Variants in NUMA1 observed in about 807,000 individuals in gnomAD.
NUMA1 encodes the protein nuclear mitotic apparatus protein 1, also known as SP-H antigen.
NUMA1 carries 62 observed loss-of-function variants against 237.1 expected under a neutral mutation model. The ratio of observed to expected loss-of-function variants is 0.26; its 90% confidence interval spans 0.21 to 0.32. The LOEUF is 0.32. Among genes scored for constraint, NUMA1 ranks in the 10% least tolerant of loss-of-function variants. The pLI, the probability that NUMA1 is intolerant of heterozygous loss-of-function variation, is 1.00. For synonymous variants in NUMA1, 1,028 were observed against 1,066.1 expected (o/e 0.96, Z 0.70); for missense variants, 2,533 against 2,666.5 (o/e 0.95, Z 1.10).
At chr11:72,020,112 C>G (rs1938552545) in intron 8 of NUMA1, among the ~76,000 whole-genome samples, 1 of 152,220 alleles carries the variant, frequency 6.6e-6, no homozygotes, top group African/African-American at 2.4e-5. Context: ...TTGTAGGACT[C>G]TCCTACCTCT....
Position 72,015,156 on chromosome 11 carries a change from C to T in NUMA1, c.2347G>A (p.Glu783Lys). The T allele has an allele frequency of 6.2e-7, 1 of 1,613,524 alleles. No homozygotes were observed. Among genetic ancestry groups the T allele is most frequent in the Non-Finnish European group, 8.5e-7 (1 of 1,180,042 alleles). ...TCTGCCAGCTCCCGCCGCAGGACTT[C>T]AGTCTCAGCCTGATGGGCCTCCCCA... ...QLGEAHQAET[E>K]VLRRELAEAM... Residue 783 changes from glutamate to lysine, a missense_variant, in exon 15 of 27, where the codon GAA becomes AAA. This residue lies in a region of NUMA1 where 1,414 missense variants were observed against 1,508.1 expected (regional missense o/e 0.94). Transcript: ENST00000393695. This position sits in a 1 kb window ranked among gnomAD's most constrained non-coding sequence, Gnocchi z 4.0.
At chr11:72,067,691 A>G (rs1471346143) in intron 2 of NUMA1, 2 of 152,216 alleles carry the variant, frequency 1.3e-5, no homozygotes, top group African/African-American at 2.4e-5. Context: ...CCCTACCTCA[A>G]ACCTTCTTAG....
chr11:72,078,538 C>T (rs938127175), intron 1 of NUMA1, among the ~76,000 whole-genome samples: 2 of 152,266 alleles, frequency 1.3e-5, no homozygotes, highest in Admixed American at 6.5e-5. Context: ...AGTCTTATTT[C>T]AAGGCATTCT....
In NUMA1 at chr11:72,003,831, G is replaced by A. The variant is rs528983774; in HGVS notation, c.6336+56C>T. On this transcript the variant is annotated intron_variant, in intron 26 of 26. Transcript: ENST00000393695. ...TGGATGCTACTTGGTGGGGCGGTCT[G>A]GGGGGTGCCCATGCTCTCATCGGGT... 12 of 1,561,958 alleles carry A rather than the reference G, an allele frequency of 7.7e-6. No homozygotes were observed. In the South Asian group the frequency reaches 1.2e-4, roughly 16 times the overall value.
rs755244554 is a variant in NUMA1 at position 72,009,344 on chromosome 11, C to T, written c.4763G>A (p.Arg1588His). Reference protein sequence around the residue: ...QGGESQQEAQRLQAQLNELQA... With the variant: ...QGGESQQEAQHLQAQLNELQA... ...CAGTTCATTCAGCTGGGCCTGGAGG[C>T]GCTGGGCCTCCTGCTGGCTCTCGCC... The change falls in exon 18 of 27, where the codon CGC becomes CAC. Residue 1588 changes from arginine (R) to histidine (H), a missense_variant. This residue lies in a region of NUMA1 where 795 missense variants were observed against 750.8 expected (regional missense o/e 1.06). Transcript: ENST00000393695. The T allele has an allele frequency of 7.4e-6, 12 of 1,612,596 alleles. No homozygotes were observed. In the African/African-American group the frequency reaches 1.1e-4, roughly 14 times the overall value.
At chr11:72,026,048 C>T (rs1939537290) in intron 4 of NUMA1, among the ~76,000 whole-genome samples, 1 of 152,174 alleles carries the variant, frequency 6.6e-6, no homozygotes, top group Non-Finnish European at 1.5e-5. Flanking sequence ...GAAGAAGATA[C>T]AACATGCATT....
At chr11:72,074,674 G>A (rs1293095160) in intron 1 of NUMA1, among the ~76,000 whole-genome samples, 2 of 152,180 alleles carry the variant, frequency 1.3e-5, no homozygotes, top group Non-Finnish European at 2.9e-5. Flanking sequence ...AGGAGATCGA[G>A]GCTGCAGTGA....
chr11:72,043,547 T>TC (rs1555032418), intron 2 of NUMA1, among the ~76,000 whole-genome samples: 9 of 149,280 alleles, frequency 6.0e-5, no homozygotes, highest in African/African-American at 2.2e-4. Flanking sequence ...TTTTTTTTTT[T>TC]CTGTAGAGAC....
In NUMA1 at chr11:72,004,795, T is replaced by C. The variant is rs1359610092; in HGVS notation, c.5851A>G (p.Ile1951Val). ...ESRPSLSLGT[I>V]TDEEMKTGDP... ...CCAGTTTTCATCTCCTCATCTGTGATGGTGCCCAGGCTCAGGGAAGGCTGC... is the reference window on the plus strand; with the variant it reads ...CCAGTTTTCATCTCCTCATCTGTGACGGTGCCCAGGCTCAGGGAAGGCTGC... Residue 1951 changes from isoleucine to valine, a missense_variant, in exon 24 of 27, where the codon ATC becomes GTC. By Grantham distance (29) the Ile-to-Val change is conservative. Transcript: ENST00000393695. 3.2e-6 allele frequency: 5 copies of C among 1,585,722 alleles called. No individual in the cohort carries two copies. Among genetic ancestry groups the C allele is most frequent in the Non-Finnish European group, 4.3e-6 (5 of 1,166,414 alleles).
chr11:72,002,872 G>A lies in NUMA1; in HGVS notation c.*655C>T, dbSNP rs1278730387. ...TCAAGTCAACTCAGTACTCACGGGA[G>A]AAAAATAGACTTTATTTACAAGTAA... On this transcript the variant is annotated 3_prime_UTR_variant, in exon 27 of 27. Coordinates refer to ENST00000393695, the MANE Select transcript of NUMA1 (RefSeq NM_006185.4). 9.2e-6 allele frequency: 2 copies of A among 217,570 alleles called. No individual in the cohort carries two copies. The highest frequency in any genetic ancestry group is 2.3e-5 in the African/African-American group (1 of 44,386). The allele number at this position is 217,570 out of a possible 1,614,324, so 13.5% of individuals were successfully genotyped here.
chr11:72,009,242 G>T, intron 18 of NUMA1, 26 bp downstream of exon 18: 1 of 1,604,250 alleles, frequency 6.2e-7, no homozygotes, highest in Non-Finnish European at 8.5e-7. Context: ...GAGGAAGGTG[G>T]CATGGGCTGG....
intron 2 of NUMA1, among the ~76,000 whole-genome samples, chr11:72,050,145 G>A (rs866953363): frequency 3.9e-5 from 6 of 152,264 alleles, no homozygotes; most frequent in Middle Eastern, 6.8e-3. Flanking sequence ...AGCCACACTC[G>A]AGGAACTACA....
chr11:72,013,710 G>T lies in NUMA1; in HGVS notation c.3793C>A (p.Leu1265Met). Residue 1265 changes from leucine to methionine, a missense_variant, in exon 15 of 27, where the codon CTG becomes ATG. Transcript: ENST00000393695. This position sits in a 1 kb window ranked among gnomAD's most constrained non-coding sequence, Gnocchi z 6.8. ...VMAESEKSQK[L>M]EERLRLLQAE... ...TGCAGCAGGCGCAGCCTCTCCTCCAGCTTCTGGCTCTTCTCTGACTCGGCC... is the reference window on the plus strand; with the variant it reads ...TGCAGCAGGCGCAGCCTCTCCTCCATCTTCTGGCTCTTCTCTGACTCGGCC... 6.2e-7 allele frequency: 1 copy of T among 1,609,630 alleles called. No individual in the cohort carries two copies.
In NUMA1 at chr11:72,013,867, C is replaced by G; in HGVS notation, c.3636G>C (p.Gln1212His). 6.2e-7 allele frequency: 1 copy of G among 1,613,780 alleles called. No individual in the cohort carries two copies. Among genetic ancestry groups the G allele is most frequent in the Non-Finnish European group, 8.5e-7 (1 of 1,180,038 alleles). The change falls in exon 15 of 27, where the codon CAG (glutamine) becomes CAC (histidine). Residue 1212 changes from glutamine to histidine, a missense_variant. Gln to His is a conservative substitution (Grantham distance 24, BLOSUM62 0). Coordinates refer to ENST00000393695, the MANE Select transcript of NUMA1 (RefSeq NM_006185.4). This position sits in a 1 kb window ranked among gnomAD's most constrained non-coding sequence, Gnocchi z 6.8. ...CAGCCTCTTGCCGGCCCCGGGCCAC[C>G]TGGGCCTTCCACTCATCTTCAGCCT... ...HSKAEDEWKA[Q>H]VARGRQEAER... is the part of the protein sequence containing the mutation.
Position 72,015,034 on chromosome 11 carries a change from C to T in NUMA1, c.2469G>A (p.Glu823=). 1 of 1,614,150 alleles carries T rather than the reference C, an allele frequency of 6.2e-7. No homozygotes were observed. The highest frequency in any genetic ancestry group is 1.3e-5 in the African/African-American group (1 of 75,058). The change falls in exon 15 of 27, where the codon GAG becomes GAA. Residue 823 remains glutamate, a synonymous_variant. Transcript: ENST00000393695. The surrounding 1 kb of genome is among the most constrained non-coding windows in gnomAD (Gnocchi z 4.0). ...GGAACATGGCGCCATACTGTGCCTC[C>T]TCTTGCTGGCTATCCTCATACCGCT... ...WRERYEDSQQ[E]EAQYGAMFQE... is the part of the protein sequence containing the mutation.
intron 1 of NUMA1, among the ~76,000 whole-genome samples, chr11:72,071,349 CTATTG>C (rs1943442152): frequency 1.3e-5 from 2 of 152,186 alleles, no homozygotes; most frequent in African/African-American, 4.8e-5. Flanking sequence ...ATCAATCAAA[CTATTG>C]TATTAATCTA....
chr11:72,012,866 T>C (rs899947272), intron 15 of NUMA1, 29 bp downstream of exon 15: 2 of 1,603,762 alleles, frequency 1.2e-6, no homozygotes, highest in African/African-American at 1.3e-5. Context: ...TCCTGATCTT[T>C]GGGAGGGTGG....
chr11:72,077,813 C>CAAAAA lies in NUMA1; in HGVS notation c.-103+2640_-103+2644dup, dbSNP rs374544097. Reference sequence around the variant, plus strand: ...TGGGCAACAGAGTGAGACTCCATCTCAAAAAAAAAAAAAAAACAAAAAACT... The same window carrying CAAAAA: ...TGGGCAACAGAGTGAGACTCCATCTCAAAAAAAAAAAAAAAAAAAAACAAAAAACT... On this transcript the variant is annotated intron_variant, in intron 1 of 26. Coordinates refer to ENST00000393695, the MANE Select transcript of NUMA1 (RefSeq NM_006185.4). Among the ~76,000 whole-genome samples, 4 of 26,734 alleles carry CAAAAA rather than the reference C, an allele frequency of 1.5e-4. 1 individual carries two copies. The highest frequency in any genetic ancestry group is 2.5e-4 in the Non-Finnish European group (3 of 11,998). The allele number at this position is 26,734 out of a possible 152,430, so 17.5% of individuals were successfully genotyped here.
intron 1 of NUMA1, 181 bp downstream of exon 1, chr11:72,080,277 C>T (rs993535599): frequency 1.5e-5 from 2 of 129,488 alleles, no homozygotes; most frequent in East Asian, 2.5e-4. Flanking sequence ...CCCCCCCCCC[C>T]CCCGGCTCCT....
Sources: gnomAD v4.1 joint callset for allele counts (sites outside exome capture counted in the v4.1 genomes callset) on GRCh38, gnomAD v4.1.1 for gene constraint, gnomAD v4.1.1 regional missense constraint, Gnocchi (gnomAD v3.1) non-coding constraint, MANE v1.5 for transcripts, NCBI Gene and HGNC (gene_info 2026-07-23, HGNC 2026-07-21) for gene names.